PATE4: variants seen among roughly 807,000 people sequenced by gnomAD.
PATE4 encodes the protein prostate and testis expressed protein 4.
PATE4 carries 13 observed loss-of-function variants against 8.5 expected under a neutral mutation model. That is an observed-to-expected ratio of 1.53 (90% confidence interval 1.00 to 2.43). The LOEUF (loss-of-function observed/expected upper bound fraction) is 2.43, where lower values mean the gene tolerates loss of function less well. Among genes scored for constraint, PATE4 ranks in the 30% most tolerant of loss-of-function variants. PATE4 has a pLI of 0.00. For missense variants in PATE4, 127 were observed against 115.5 expected (o/e 1.10, Z -0.46); for synonymous variants, 47 against 39.3 (o/e 1.20, Z -0.73).
In PATE4 at chr11:125,833,432, T is replaced by C. The variant is rs1464763017; in HGVS notation, c.58+15T>C. ...CCTCAAAGAGGGTAAGTTTGAACAA[T>C]GGGGGTGGAGGGAGGCAACTTAGGG... is the stretch of plus-strand genomic sequence containing the variant. On this transcript the variant is annotated intron_variant, in intron 1 of 2. Transcript: ENST00000457514. The C allele has an allele frequency of 3.9e-6, 6 of 1,550,344 alleles. No homozygotes were observed. The highest frequency in any genetic ancestry group is 1.7e-4 in the Middle Eastern group (1 of 6,012).
In PATE4 at chr11:125,839,655, T is replaced by A. The variant is rs1335598059; in HGVS notation, c.*1228T>A. On this transcript the variant is annotated 3_prime_UTR_variant, in exon 3 of 3. Transcript: ENST00000457514. Reference sequence around the variant, plus strand: ...GAAGCCTCACAATCATGGCAGAAGGTAAAAGGCATGTCTCACATAGTGACA... The same window carrying A: ...GAAGCCTCACAATCATGGCAGAAGGAAAAAGGCATGTCTCACATAGTGACA... The A allele has an allele frequency of 6.6e-6, 1 of 152,580 alleles. No individual in the cohort carries two copies. The highest frequency in any genetic ancestry group is 2.4e-5 in the African/African-American group (1 of 41,428). 9.5% of individuals were successfully genotyped at this position (152,580 alleles called of 1,614,324 possible).
In PATE4 at chr11:125,838,293, T is replaced by C. The variant is rs1943934813; in HGVS notation, c.176-13T>C. 2 of 1,531,654 alleles carry C rather than the reference T, an allele frequency of 1.3e-6. No homozygotes were observed. The highest frequency in any genetic ancestry group is 2.2e-5 in the Admixed American group (1 of 45,400). 94.9% of individuals were successfully genotyped at this position (1,531,654 alleles called of 1,614,324 possible). ...TCTCCTCCAGCATTTATAACAGGCTTCTTCATTTTCAGGAGACAAACATAT... is the reference window on the plus strand; with the variant it reads ...TCTCCTCCAGCATTTATAACAGGCTCCTTCATTTTCAGGAGACAAACATAT... On this transcript the variant is annotated splice_polypyrimidine_tract_variant and intron_variant, in intron 2 of 2. Transcript: ENST00000457514.
chr11:125,834,327 T>TA (rs1392665796), intron 1 of PATE4, among the ~76,000 whole-genome samples: 9 of 151,984 alleles, frequency 5.9e-5, no homozygotes, highest in Non-Finnish European at 1.0e-4. Flanking sequence ...ATGCCTCCTT[T>TA]AAAAAAATCA....
intron 2 of PATE4, 24 bp downstream of exon 2, chr11:125,838,008 C>G: frequency 1.3e-6 from 2 of 1,501,394 alleles, no homozygotes; most frequent in Non-Finnish European, 1.8e-6. Context: ...ATGAAGACTC[C>G]AAAATTGCCT....
chr11:125,837,720 A>G (rs951215449), intron 1 of PATE4, 148 bp from the exon 2 acceptor site: 7 of 578,440 alleles, frequency 1.2e-5, no homozygotes, highest in African/African-American at 9.3e-5. Context: ...TTAACTTACA[A>G]AGCTAAATTA....
intron 1 of PATE4, chr11:125,835,099 AT>A (rs1319686641): frequency 6.6e-6 from 1 of 152,168 alleles, no homozygotes; most frequent in East Asian, 1.9e-4. Flanking sequence ...TGTATTACCT[AT>A]TTTTAAATAA....
intron 2 of PATE4, 46 bp downstream of exon 2, chr11:125,838,030 T>C (rs1943932798): frequency 1.4e-6 from 2 of 1,386,296 alleles, no homozygotes; most frequent in South Asian, 2.5e-5. Flanking sequence ...CAAAGAACCA[T>C]CACTCTTGCT....
Position 125,839,948 on chromosome 11 carries a change from C to T in PATE4, c.*1521C>T, listed in dbSNP as rs1943949620. The T allele has an allele frequency of 6.6e-6, 1 of 152,188 alleles. No homozygotes were observed. The highest frequency in any genetic ancestry group is 2.4e-5 in the African/African-American group (1 of 41,434). The allele number at this position is 152,188 out of a possible 1,614,324, so 9.4% of individuals were successfully genotyped here. On this transcript the variant is annotated 3_prime_UTR_variant, in exon 3 of 3. Transcript: ENST00000457514. Reference sequence around the variant, plus strand: ...AGTTCTCCCACCTCTCTGAAGAATCCTCTGTGAGGGTCTCTGGGGACTTTG... The same window carrying T: ...AGTTCTCCCACCTCTCTGAAGAATCTTCTGTGAGGGTCTCTGGGGACTTTG...
intron 1 of PATE4, among the ~76,000 whole-genome samples, chr11:125,837,630 G>A (rs1324816659): frequency 2.0e-5 from 3 of 152,066 alleles, no homozygotes; most frequent in African/African-American, 7.2e-5. Flanking sequence ...TATTTCACAT[G>A]TTTATCTTGC....
Position 125,838,366 on chromosome 11 carries a change from C to A in PATE4, c.236C>A (p.Ser79Tyr). 1 of 1,551,398 alleles carries A rather than the reference C, an allele frequency of 6.4e-7. No individual in the cohort carries two copies. Reference protein sequence around the residue: ...CKYKCREEESSKRGLLRVTLC... With the variant: ...CKYKCREEESYKRGLLRVTLC... The stretch of plus-strand genomic sequence containing the variant: ...TATAAGTGCCGGGAAGAGGAGTCCT[C>A]CAAAAGAGGCCTGTTGAGAGTGACA... Residue 79 changes from serine to tyrosine, a missense_variant, in exon 3 of 3, where the codon TCC becomes TAC. Coordinates refer to ENST00000457514, the MANE Select transcript of PATE4 (RefSeq NM_001144874.1).
At chr11:125,836,212 G>A (rs1284722439) in intron 1 of PATE4, among the ~76,000 whole-genome samples, 1 of 149,466 alleles carries the variant, frequency 6.7e-6, no homozygotes, top group Non-Finnish European at 1.5e-5. Context: ...GCTTTAGAAA[G>A]AATACTCAGA....
At chr11:125,834,599 A>C (rs1943907390) in intron 1 of PATE4, among the ~76,000 whole-genome samples, 1 of 152,198 alleles carries the variant, frequency 6.6e-6, no homozygotes, top group Admixed American at 6.6e-5. Context: ...GAATAGTTAC[A>C]TCTCCTCTGG....
intron 1 of PATE4, among the ~76,000 whole-genome samples, chr11:125,837,078 A>T (rs75243465): frequency 0.011 from 1,697 of 152,352 alleles, 17 homozygotes; most frequent in Non-Finnish European, 0.018. Context: ...ATAGCACTCA[A>T]GTCCTCCTGG....
chr11:125,834,525 T>C (rs2134199872), intron 1 of PATE4, among the ~76,000 whole-genome samples: 1 of 152,306 alleles, frequency 6.6e-6, no homozygotes, highest in East Asian at 1.9e-4. Flanking sequence ...TCCAGGAGTT[T>C]GATAAAATAT....
intron 1 of PATE4, among the ~76,000 whole-genome samples, chr11:125,836,886 C>T (rs1056809333): frequency 1.3e-5 from 2 of 152,168 alleles, no homozygotes; most frequent in Non-Finnish European, 1.5e-5. Context: ...TGTTCACTCT[C>T]ACCACTTCAA....
In PATE4 at chr11:125,833,667, A is replaced by T. The variant is rs558853318; in HGVS notation, c.58+250A>T. ...TTCATCCATACTTATCTCATTTTGGACCCTTTCTTTCTTAATATACTTTTC... is the reference window on the plus strand; with the variant it reads ...TTCATCCATACTTATCTCATTTTGGTCCCTTTCTTTCTTAATATACTTTTC... On this transcript the variant is annotated intron_variant, in intron 1 of 2. Coordinates refer to ENST00000457514, the MANE Select transcript of PATE4 (RefSeq NM_001144874.1). Among the ~76,000 whole-genome samples the T allele has an allele frequency of 2.4e-4, 36 of 152,028 alleles. 2 individuals carry two copies. The highest frequency in any genetic ancestry group is 7.2e-4 in the African/African-American group (30 of 41,446).
At chr11:125,833,830 C>G (rs1333222284) in intron 1 of PATE4, among the ~76,000 whole-genome samples, 2 of 152,138 alleles carry the variant, frequency 1.3e-5, no homozygotes, top group Admixed American at 1.3e-4. Context: ...TCAGACCCTC[C>G]TCTATATCAA....
At chr11:125,836,175 A>G (rs990863927) in intron 1 of PATE4, among the ~76,000 whole-genome samples, 1 of 149,660 alleles carries the variant, frequency 6.7e-6, no homozygotes, top group Non-Finnish European at 1.5e-5. Flanking sequence ...GCCTTGCCTG[A>G]AATTACCTGC....
Position 125,835,213 on chromosome 11 carries a change from C to T in PATE4, c.58+1796C>T, listed in dbSNP as rs559244549. 6 of 152,306 alleles carry T rather than the reference C, an allele frequency of 3.9e-5. No homozygotes were observed. In the South Asian group the frequency reaches 1.2e-3, roughly 32 times the overall value. The allele number at this position is 152,306 out of a possible 1,614,324, so 9.4% of individuals were successfully genotyped here. A position where few individuals can be genotyped will look rare whatever the true frequency, so the allele number is the denominator to read the frequency against. ...GTACTGCGCAGCCTGCTCCCAACTC[C>T]TCTGAAAGAGAGAAGCCTCATGAAA... On this transcript the variant is annotated intron_variant, in intron 1 of 2. Coordinates refer to ENST00000457514, the MANE Select transcript of PATE4 (RefSeq NM_001144874.1).
Sources: allele counts gnomAD v4.1 joint callset (sites outside exome capture counted in the v4.1 genomes callset), GRCh38; gene constraint gnomAD v4.1.1; transcripts MANE v1.5; gene names NCBI Gene and HGNC (gene_info 2026-07-23, HGNC 2026-07-21).